The following ADGRA2 variants were observed in gnomAD, a reference collection of about 807,000 sequenced individuals.
ADGRA2 encodes G-protein coupled receptor 124.
A neutral mutation model predicts 98.7 loss-of-function variants in ADGRA2; 61 were observed. The ratio of observed to expected loss-of-function variants is 0.62; its 90% confidence interval spans 0.50 to 0.76. The LOEUF is 0.76. ADGRA2 is among the 30% of genes least tolerant of loss of function. The pLI, the probability that ADGRA2 is intolerant of heterozygous loss-of-function variation, is 0.00. For missense variants in ADGRA2, 1,712 were observed against 1,860.0 expected (o/e 0.92, Z 1.46); for synonymous variants, 858 against 831.5 (o/e 1.03, Z -0.55).
chr8:37,821,161 C>T (rs1041024158), intron 2 of ADGRA2, among the ~76,000 whole-genome samples: 4 of 152,188 alleles, frequency 2.6e-5, no homozygotes, highest in African/African-American at 7.2e-5. Context: ...GAGCGCTGGA[C>T]TCCATTTGGT....
Position 37,829,947 on chromosome 8 carries a change from C to T in ADGRA2, c.651C>T (p.Leu217=), listed in dbSNP as rs137891322. The change falls in exon 6 of 19, where the codon CTC becomes CTT. Residue 217 remains leucine (L), a synonymous_variant. Transcript: ENST00000412232. ...NRSLQLSEHT[L]CAYPSALHAQ... ...CCCTGCAGCTGTCGGAACACACGCT[C>T]TGTGCTTACCCCAGTGCCCTGCATG... 15 of 1,610,498 alleles carry T rather than the reference C, an allele frequency of 9.3e-6. No homozygotes were observed. The Admixed American group carries it at 2.2e-4, about 23-fold the overall frequency.
At chr8:37,805,838 T>C (rs554045030) in intron 1 of ADGRA2, among the ~76,000 whole-genome samples, 1 of 152,134 alleles carries the variant, frequency 6.6e-6, no homozygotes, top group Admixed American at 6.6e-5. Context: ...CACTGCACTC[T>C]AGCCTGGGCG....
At chr8:37,815,415 T>C (rs938644198) in intron 2 of ADGRA2, among the ~76,000 whole-genome samples, 1 of 152,206 alleles carries the variant, frequency 6.6e-6, no homozygotes, top group African/African-American at 2.4e-5. Flanking sequence ...AGTCCGATCA[T>C]TTCCAAGCCT....
chr8:37,801,294 C>T (rs886701043), intron 1 of ADGRA2, among the ~76,000 whole-genome samples: 3 of 152,224 alleles, frequency 2.0e-5, no homozygotes, highest in Admixed American at 2.0e-4. Flanking sequence ...CTGTCCCACC[C>T]CACCCCCCAG....
At chr8:37,805,635 C>T (rs1019196353) in intron 1 of ADGRA2, among the ~76,000 whole-genome samples, 1 of 151,832 alleles carries the variant, frequency 6.6e-6, no homozygotes, top group African/African-American at 2.4e-5. Flanking sequence ...TTTGGGAGGC[C>T]GAGGTGGGTG....
chr8:37,797,152 C>T lies in ADGRA2; in HGVS notation c.-117C>T. On this transcript the variant is annotated 5_prime_UTR_variant, in exon 1 of 19. Transcript: ENST00000412232. The surrounding 1 kb of genome is among the most constrained non-coding windows in gnomAD (Gnocchi z 5.3). ...GGGCTCGCCTCCGCCCAGGGCCCCC[C>T]TCCACGCCCTCGGGAGCCCCGGGCC... 1.3e-6 allele frequency: 1 copy of T among 798,866 alleles called. No homozygotes were observed. The highest frequency in any genetic ancestry group is 1.6e-6 in the Non-Finnish European group (1 of 613,504). 49.5% of individuals were successfully genotyped at this position (798,866 alleles called of 1,614,324 possible).
chr8:37,824,653 C>A (rs928269427), intron 2 of ADGRA2, among the ~76,000 whole-genome samples: 1 of 151,986 alleles, frequency 6.6e-6, no homozygotes, highest in African/African-American at 2.4e-5. Context: ...CGCCACCACA[C>A]ACGGCTAATT....
intron 8 of ADGRA2, among the ~76,000 whole-genome samples, chr8:37,832,259 G>A (rs1290585966): frequency 6.6e-6 from 1 of 152,010 alleles, no homozygotes; most frequent in East Asian, 1.9e-4. Flanking sequence ...CACCATGTTG[G>A]CCAGGCTGGT....
chr8:37,797,214 CGGCCGG>C lies in ADGRA2; in HGVS notation c.-54_-49del. On this transcript the variant is annotated 5_prime_UTR_variant, in exon 1 of 19. Coordinates refer to ENST00000412232, the MANE Select transcript of ADGRA2 (RefSeq NM_032777.10). This position sits in a 1 kb window ranked among gnomAD's most constrained non-coding sequence, Gnocchi z 5.3. ...CTCCTCCCGCACGCCTGGGTCCCTCCGGCCGGCGCGCAGCCCGGCCCCAGCGCTGTG... is the reference window on the plus strand; with the variant it reads ...CTCCTCCCGCACGCCTGGGTCCCTCCCGCGCAGCCCGGCCCCAGCGCTGTG... 2 of 1,189,988 alleles carry C rather than the reference CGGCCGG, an allele frequency of 1.7e-6. No homozygotes were observed. The highest frequency in any genetic ancestry group is 2.1e-6 in the Non-Finnish European group (2 of 959,494). 73.7% of individuals were successfully genotyped at this position (1,189,988 alleles called of 1,614,324 possible). A position where few individuals can be genotyped will look rare whatever the true frequency, so the allele number is the denominator to read the frequency against.
At chr8:37,821,910 G>A (rs1805138719) in intron 2 of ADGRA2, among the ~76,000 whole-genome samples, 1 of 152,168 alleles carries the variant, frequency 6.6e-6, no homozygotes, top group African/African-American at 2.4e-5. Context: ...TAGTCTGTGG[G>A]TGGGGCCGAG....
rs1554526532 is a variant in ADGRA2, at chr8:37,836,097, A to ACCCC, written c.2050+328_2050+331dup. Among the ~76,000 whole-genome samples the ACCCC allele has an allele frequency of 2.7e-3, 296 of 108,734 alleles. 5 individuals are homozygous for ACCCC. The highest frequency in any genetic ancestry group is 0.01 in the African/African-American group (273 of 27,130). 71.3% of individuals were successfully genotyped at this position (108,734 alleles called of 152,430 possible). On this transcript the variant is annotated intron_variant, in intron 13 of 18. Coordinates refer to ENST00000412232, the MANE Select transcript of ADGRA2 (RefSeq NM_032777.10). ...CACACACACACACACACACACACAC[A>ACCCC]CCCCACAGGCCCAATGCAGACAAGT...
At position 37,840,192 on chromosome 8, in the gene ADGRA2, T is replaced by C. The variant is rs2130059074; in HGVS notation, c.2583T>C (p.His861=). The C allele has an allele frequency of 6.2e-7, 1 of 1,612,542 alleles. No homozygotes were observed. Among genetic ancestry groups the C allele is most frequent in the Non-Finnish European group, 8.5e-7 (1 of 1,179,898 alleles). ...TGGGCGTGAAGGCGCGAGTGCTCCA[T>C]AAGGAGCTCACCTGGAGGGCACCCC... ...LWMGVKARVL[H]KELTWRAPPP... Residue 861 remains histidine (H), a synonymous_variant, in exon 17 of 19, where the codon CAT becomes CAC. Coordinates refer to ENST00000412232, the MANE Select transcript of ADGRA2 (RefSeq NM_032777.10).
rs200722334 is a variant in ADGRA2 at position 37,835,179 on chromosome 8, G to A, written c.1614G>A (p.Ala538=). 37 of 1,612,788 alleles carry A rather than the reference G, an allele frequency of 2.3e-5. No homozygotes were observed. Among genetic ancestry groups the A allele is most frequent in the Admixed American group, 1.0e-4 (6 of 60,000 alleles). The change falls in exon 12 of 19, where the codon GCG becomes GCA. Residue 538 remains alanine, a synonymous_variant. Transcript: ENST00000412232. ...GACAAGGTCCCTGTCCCCAGAATGC[G>A]AGGAACGTGGCATTGGAGGCCTACC... is the stretch of plus-strand genomic sequence containing the variant. ...SPHAQHISVN[A]RNVALEAYLI...
In ADGRA2 at chr8:37,831,488, C is replaced by A; in HGVS notation, c.998C>A (p.Ala333Asp). ...GAGTGGGAGTGCACCGTGTCCATGG[C>A]CCAAGGCAACGCCAGCAAGAAGGTG... ...SGEWECTVSM[A>D]QGNASKKVEI... Residue 333 changes from alanine to aspartate, a missense_variant, in exon 8 of 19, where the codon GCC (alanine) becomes GAC (aspartate). By Grantham distance (126) the Ala-to-Asp change is moderately radical. Transcript: ENST00000412232. The A allele has an allele frequency of 1.2e-6, 2 of 1,613,782 alleles. No individual in the cohort carries two copies. The highest frequency in any genetic ancestry group is 1.7e-6 in the Non-Finnish European group (2 of 1,180,012).
chr8:37,804,100 G>C (rs1300843266), intron 1 of ADGRA2, among the ~76,000 whole-genome samples: 4 of 107,104 alleles, frequency 3.7e-5, no homozygotes, highest in East Asian at 3.6e-4. Context: ...CCCACGGTGA[G>C]ACACACACAC....
At chr8:37,825,410 A>ATTTTT (rs750368833) in intron 2 of ADGRA2, among the ~76,000 whole-genome samples, 1 of 138,110 alleles carries the variant, frequency 7.2e-6, no homozygotes, top group African/African-American at 2.7e-5. Flanking sequence ...CATTGGCTAA[A>ATTTTT]TTTTTTTTTT....
At chr8:37,831,641 C>T in intron 8 of ADGRA2, 54 bp downstream of exon 8, 1 of 1,521,428 alleles carries the variant, frequency 6.6e-7, no homozygotes, top group South Asian at 1.1e-5. Flanking sequence ...CCCACCCTTG[C>T]ACCTGACATC....
Position 37,839,611 on chromosome 8 carries a change from G to T in ADGRA2, c.2500G>T (p.Val834Phe), listed in dbSNP as rs371352921. Residue 834 changes from valine (V) to phenylalanine (F), a missense_variant, in exon 16 of 19, where the codon GTC becomes TTC. Transcript: ENST00000412232. Reference sequence around the variant, plus strand: ...CATCACACTCACCAACTACCAGATGGTCTGCCAGGCGGTAAGCAGGAGAAG... The same window carrying T: ...CATCACACTCACCAACTACCAGATGTTCTGCCAGGCGGTAAGCAGGAGAAG... Reference protein sequence around the residue: ...GGITLTNYQMVCQAVGITLHY... With the variant: ...GGITLTNYQMFCQAVGITLHY... 1.2e-6 allele frequency: 2 copies of T among 1,613,948 alleles called. No homozygotes were observed. Among genetic ancestry groups the T allele is most frequent in the African/African-American group, 2.7e-5 (2 of 74,934 alleles).
At position 37,814,803 on chromosome 8, in the gene ADGRA2, G is replaced by A; in HGVS notation, c.267-93G>A. 1 of 897,722 alleles carries A rather than the reference G, an allele frequency of 1.1e-6. No individual in the cohort carries two copies. Among genetic ancestry groups the A allele is most frequent in the Admixed American group, 1.8e-5 (1 of 56,682 alleles). The allele number at this position is 897,722 out of a possible 1,614,324, so 55.6% of individuals were successfully genotyped here. The stretch of plus-strand genomic sequence containing the variant: ...TCGCACAACTCCAGGGGGCGCCATT[G>A]ACAAAGATGCAAGCTGGCCCCACCA... On this transcript the variant is annotated intron_variant, in intron 1 of 18. Transcript: ENST00000412232. This position sits in a 1 kb window ranked among gnomAD's most constrained non-coding sequence, Gnocchi z 4.3.
Sources: gnomAD v4.1 joint callset for allele counts (sites outside exome capture counted in the v4.1 genomes callset) on GRCh38, gnomAD v4.1.1 for gene constraint, Gnocchi (gnomAD v3.1) non-coding constraint, MANE v1.5 for transcripts, NCBI Gene and HGNC (gene_info 2026-07-23, HGNC 2026-07-21) for gene names.